Variants in CENPW observed in about 807,000 individuals in gnomAD.
CENPW encodes the protein cancer-up-regulated gene 2 protein.
CENPW carries 3 observed loss-of-function variants against 11.1 expected under a neutral mutation model. The ratio of observed to expected loss-of-function variants is 0.27; its 90% CI spans 0.12 to 0.70. The LOEUF is 0.70. Ranked by LOEUF, CENPW falls within the 30% of genes least tolerant of loss-of-function variation. The probability of loss-of-function intolerance (pLI) is 0.77; values close to 1 mark genes in which losing one functional copy is unlikely to be tolerated. For synonymous variants in CENPW, 38 were observed against 42.0 expected, an observed-to-expected ratio of 0.91 and a Z score of 0.37; for missense variants, 100 against 105.6, an observed-to-expected ratio of 0.95 and a Z score of 0.23.
the CENPW span, among the ~76,000 whole-genome samples, chr6:126,393,581 T>C: frequency 6.6e-6 from 1 of 151,598 alleles, no homozygotes; most frequent in Non-Finnish European, 1.5e-5. Flanking sequence ...CATTTTTTTA[T>C]GTTGTTTCCA....
chr6:126,452,791 A>G, the CENPW span, among the ~76,000 whole-genome samples: 2 of 151,078 alleles, frequency 1.3e-5, no homozygotes, highest in Non-Finnish European at 3.0e-5. Context: ...AGGCAACCTC[A>G]AGCATGATGA....
the CENPW span, among the ~76,000 whole-genome samples, chr6:126,373,436 G>A: frequency 6.6e-6 from 1 of 152,280 alleles, no homozygotes; most frequent in East Asian, 1.9e-4. Flanking sequence ...TAACATGACT[G>A]CCTATTTTGT....
the CENPW span, among the ~76,000 whole-genome samples, chr6:126,466,505 G>A: frequency 2.5e-4 from 38 of 152,082 alleles, 2 homozygotes; most frequent in Non-Finnish European, 1.5e-5. Context: ...AGCAGGGCAG[G>A]AGACAAGAAT....
the CENPW span, among the ~76,000 whole-genome samples, chr6:126,417,073 G>T: frequency 2.0e-5 from 3 of 152,200 alleles, no homozygotes; most frequent in Non-Finnish European, 2.9e-5. Context: ...AGCCACAGGG[G>T]TGGAGCTACC....
the CENPW span, among the ~76,000 whole-genome samples, chr6:126,360,009 G>T: frequency 6.6e-6 from 1 of 152,048 alleles, no homozygotes; most frequent in Non-Finnish European, 1.5e-5. Context: ...TTGTGTAGGT[G>T]CTTTATATTG....
At chr6:126,429,706 T>C in the CENPW span, among the ~76,000 whole-genome samples, 7 of 152,198 alleles carry the variant, frequency 4.6e-5, no homozygotes, top group Non-Finnish European at 2.9e-5. Context: ...CTAATACAAT[T>C]TGCATTTCTT....
the CENPW span, among the ~76,000 whole-genome samples, chr6:126,471,648 T>C: frequency 3.9e-5 from 6 of 152,160 alleles, no homozygotes; most frequent in South Asian, 2.1e-4. Context: ...GAACTAATCA[T>C]AAAAATATGA....
At chr6:126,362,914 A>G in the CENPW span, among the ~76,000 whole-genome samples, 17 of 152,324 alleles carry the variant, frequency 1.1e-4, 1 homozygote, top group South Asian at 2.7e-3. Context: ...TGGTTGCTTC[A>G]AATATATCTT....
the CENPW span, among the ~76,000 whole-genome samples, chr6:126,381,738 G>A: frequency 6.6e-6 from 1 of 152,222 alleles, no homozygotes; most frequent in African/African-American, 2.4e-5. Flanking sequence ...GGCTGGCACC[G>A]CCCATCATAG....
chr6:126,382,422 G>A, the CENPW span, among the ~76,000 whole-genome samples: 6 of 152,102 alleles, frequency 3.9e-5, no homozygotes, highest in East Asian at 9.6e-4. Flanking sequence ...TAGCTCTCCA[G>A]CAAAAGTTCT....
intron 2 of CENPW, 90 bp from the exon 3 acceptor site, chr6:126,348,376 A>C: frequency 1.4e-6 from 1 of 717,516 alleles, no homozygotes; most frequent in Non-Finnish European, 2.5e-6. Flanking sequence ...CTTGCATATT[A>C]TGCACCCAGG....
the CENPW span, among the ~76,000 whole-genome samples, chr6:126,391,603 G>A: frequency 5.3e-5 from 8 of 151,898 alleles, no homozygotes; most frequent in Non-Finnish European, 5.9e-5. Context: ...ATAGTTTGAA[G>A]TCTTAGATGT....
At chr6:126,422,844 A>G in the CENPW span, among the ~76,000 whole-genome samples, 20 of 152,188 alleles carry the variant, frequency 1.3e-4, no homozygotes, top group Non-Finnish European at 2.2e-4. Context: ...TAGGTACTTA[A>G]CAACAGGAGT....
chr6:126,472,545 G>A, the CENPW span, among the ~76,000 whole-genome samples: 134 of 152,254 alleles, frequency 8.8e-4, no homozygotes, highest in African/African-American at 3.2e-3. Context: ...GCCAAAATCT[G>A]CTTATCCATT....
chr6:126,459,037 C>T, the CENPW span, among the ~76,000 whole-genome samples: 1 of 149,046 alleles, frequency 6.7e-6, no homozygotes, highest in African/African-American at 2.4e-5. Flanking sequence ...GTCTAAATTT[C>T]AAGTTTTATT....
chr6:126,390,008 C>T, the CENPW span, among the ~76,000 whole-genome samples: 3 of 151,880 alleles, frequency 2.0e-5, no homozygotes. Context: ...CACATTTTCT[C>T]ACAGAGGTGA....
chr6:126,446,370 A>G, the CENPW span, among the ~76,000 whole-genome samples: 1 of 137,352 alleles, frequency 7.3e-6, no homozygotes, highest in Non-Finnish European at 1.6e-5. Context: ...CCCCCACAAG[A>G]AAAAAACAGG....
At chr6:126,433,288 A>G in the CENPW span, among the ~76,000 whole-genome samples, 6 of 152,110 alleles carry the variant, frequency 3.9e-5, no homozygotes, top group Non-Finnish European at 7.4e-5. Flanking sequence ...TCATTTTACT[A>G]TATATTAGGC....
the CENPW span, among the ~76,000 whole-genome samples, chr6:126,478,876 C>T: frequency 1.3e-5 from 2 of 151,968 alleles, no homozygotes; most frequent in Non-Finnish European, 2.9e-5. Context: ...TTTCAGAGTT[C>T]CTAATGAAGA....
Sources: allele counts gnomAD v4.1 joint callset (sites outside exome capture counted in the v4.1 genomes callset), GRCh38; gene constraint gnomAD v4.1.1; transcripts MANE v1.5; gene names NCBI Gene and HGNC (gene_info 2026-07-23, HGNC 2026-07-21).